Variants in FAF1 observed in about 807,000 individuals in gnomAD.
FAF1 encodes FAS-associated factor 1.
In FAF1, 25 loss-of-function variants were observed where a neutral mutation model predicts 92.5. The observed-to-expected ratio is 0.27, with a 90% CI of 0.20 to 0.38. FAF1 has a LOEUF of 0.38. Among genes scored for constraint, FAF1 ranks in the 10% least tolerant of loss-of-function variants. The pLI is 1.00. For synonymous variants in FAF1, 234 were observed against 273.2 expected (o/e 0.86, Z 1.42); for missense variants, 636 against 793.3 (o/e 0.80, Z 2.38).
chr1:50,738,005 A>C (rs1056673360), intron 6 of FAF1, among the ~76,000 whole-genome samples: 6 of 152,246 alleles, frequency 3.9e-5, no homozygotes, highest in Non-Finnish European at 8.8e-5. Context: ...CATCCACTAT[A>C]GGTCAGTTTG....
rs35479561 is a variant in FAF1, at chr1:50,457,724, CAAAAA to C, written c.1870-16206_1870-16202del. On this transcript the variant is annotated intron_variant, in intron 18 of 18. Coordinates refer to ENST00000396153, the MANE Select transcript of FAF1 (RefSeq NM_007051.3). ...GCAATTCGGTGAAACCCCATCTCTG[CAAAAA>C]AAAAAAAAAAAAAAAAATACAAAAA... 1.4e-4 allele frequency among the ~76,000 whole-genome samples: 8 copies of C among 56,568 alleles called. No individual in the cohort carries two copies. In the East Asian group the frequency reaches 1.8e-3, roughly 13 times the overall value. The allele number at this position is 56,568 out of a possible 152,430, so 37.1% of individuals were successfully genotyped here. A position where few individuals can be genotyped will look rare whatever the true frequency, so the allele number is the denominator to read the frequency against.
chr1:50,905,643 C>G (rs1344441915), intron 1 of FAF1, among the ~76,000 whole-genome samples: 1 of 152,192 alleles, frequency 6.6e-6, no homozygotes, highest in African/African-American at 2.4e-5. Flanking sequence ...TGATGATGAG[C>G]ATTTTTTCAT....
At chr1:50,647,919 T>C (rs894903940) in intron 8 of FAF1, among the ~76,000 whole-genome samples, 46 of 151,590 alleles carry the variant, frequency 3.0e-4, no homozygotes, top group Non-Finnish European at 1.0e-4. Context: ...TCTAAGAGGG[T>C]TGGAGAAGGC....
At chr1:50,490,389 AAGGAAGG>A (rs1357892868) in intron 17 of FAF1, among the ~76,000 whole-genome samples, 192 bp downstream of exon 17, 1 of 6,700 alleles carries the variant, frequency 1.5e-4, no homozygotes, top group Non-Finnish European at 4.9e-4. Context: ...CTCAAAAAGG[AAGGAAGG>A]AAGGAAGGAA....
chr1:50,847,499 G>A (rs1570045740), intron 2 of FAF1, among the ~76,000 whole-genome samples: 1 of 148,082 alleles, frequency 6.8e-6, no homozygotes, highest in African/African-American at 2.5e-5. Context: ...GTCAAGGAAA[G>A]AATAAGTGAA....
chr1:50,529,996 G>A (rs1325924984), intron 15 of FAF1, among the ~76,000 whole-genome samples: 1 of 152,104 alleles, frequency 6.6e-6, no homozygotes, highest in Non-Finnish European at 1.5e-5. Flanking sequence ...GGCACCTATG[G>A]TGTGGTTGGC....
chr1:50,683,319 G>A (rs761699944), intron 7 of FAF1, among the ~76,000 whole-genome samples: 3 of 152,046 alleles, frequency 2.0e-5, no homozygotes, highest in Non-Finnish European at 4.4e-5. Flanking sequence ...TTGAGGCCAG[G>A]AGTTTGAGAC....
intron 15 of FAF1, among the ~76,000 whole-genome samples, chr1:50,500,697 T>C (rs1177869893): frequency 1.3e-5 from 2 of 151,972 alleles, no homozygotes; most frequent in Non-Finnish European, 2.9e-5. Flanking sequence ...CTAAAGACAA[T>C]TGAAAATGAT....
At chr1:50,855,082 A>C (rs1644380297) in intron 2 of FAF1, among the ~76,000 whole-genome samples, 1 of 151,882 alleles carries the variant, frequency 6.6e-6, no homozygotes, top group Non-Finnish European at 1.5e-5. Flanking sequence ...TCAACAGTAT[A>C]ATGTAAATAT....
chr1:50,913,657 A>G (rs994613056), intron 1 of FAF1, among the ~76,000 whole-genome samples: 1 of 152,234 alleles, frequency 6.6e-6, no homozygotes, highest in Non-Finnish European at 1.5e-5. Flanking sequence ...TGAGTTTCTA[A>G]CAGAAGTAGT....
At chr1:50,741,737 A>G (rs1659395837) in intron 5 of FAF1, among the ~76,000 whole-genome samples, 3 of 152,262 alleles carry the variant, frequency 2.0e-5, no homozygotes, top group South Asian at 4.1e-4. Context: ...AGAAATGAGA[A>G]AAGACTGATG....
intron 4 of FAF1, 52 bp downstream of exon 4, chr1:50,787,948 A>G (rs939134302): frequency 6.7e-7 from 1 of 1,483,480 alleles, no homozygotes; most frequent in African/African-American, 1.4e-5. Context: ...TATAACCTGA[A>G]TGTTTACCTA....
chr1:50,755,343 A>T (rs2124517213), intron 4 of FAF1, among the ~76,000 whole-genome samples: 1 of 152,298 alleles, frequency 6.6e-6, no homozygotes, highest in South Asian at 2.1e-4. Context: ...CAAATCTTAA[A>T]GCTCCAAAAT....
chr1:50,735,121 G>C (rs1026130715), intron 6 of FAF1, among the ~76,000 whole-genome samples: 2 of 152,284 alleles, frequency 1.3e-5, no homozygotes, highest in Admixed American at 1.3e-4. Flanking sequence ...ATAGGTTACA[G>C]GCTACCTGAG....
intron 7 of FAF1, among the ~76,000 whole-genome samples, chr1:50,665,810 T>G (rs1655591421): frequency 6.6e-6 from 1 of 152,180 alleles, no homozygotes; most frequent in Non-Finnish European, 1.5e-5. Flanking sequence ...GGTTACAAAA[T>G]AATATGCATC....
intron 2 of FAF1, among the ~76,000 whole-genome samples, chr1:50,854,948 C>A (rs1194926719): frequency 6.6e-6 from 1 of 151,326 alleles, no homozygotes; most frequent in East Asian, 1.9e-4. Flanking sequence ...AGGAAATGCT[C>A]GATGGAACAT....
chr1:50,465,964 C>T (rs755790692), intron 18 of FAF1, among the ~76,000 whole-genome samples: 2 of 151,888 alleles, frequency 1.3e-5, no homozygotes, highest in African/African-American at 4.8e-5. Flanking sequence ...CAAGTTAGAT[C>T]GAGAAAGGCC....
At chr1:50,702,340 T>TA (rs916466191) in intron 7 of FAF1, among the ~76,000 whole-genome samples, 12 of 152,010 alleles carry the variant, frequency 7.9e-5, no homozygotes, top group African/African-American at 1.9e-4. Context: ...ATTCTCAGCG[T>TA]AAAAAAAATT....
chr1:50,594,141 C>T (rs952862329), intron 9 of FAF1, among the ~76,000 whole-genome samples: 27 of 151,836 alleles, frequency 1.8e-4, no homozygotes, highest in Middle Eastern at 3.4e-3. Flanking sequence ...AGTGAAACCC[C>T]GTCTCTATTA....
Sources: allele counts gnomAD v4.1 joint callset (sites outside exome capture counted in the v4.1 genomes callset), GRCh38; gene constraint gnomAD v4.1.1; transcripts MANE v1.5; gene names NCBI Gene and HGNC (gene_info 2026-07-23, HGNC 2026-07-21).